The following GPC6 variants were observed in gnomAD, a reference collection of about 807,000 sequenced individuals.
The protein encoded by GPC6 is glypican 6.
A neutral mutation model predicts 55.2 loss-of-function variants in GPC6; 14 were observed. The observed-to-expected ratio is 0.25, with a 90% confidence interval of 0.17 to 0.40. GPC6 has a LOEUF of 0.40. Among genes scored for constraint, GPC6 ranks in the 10% least tolerant of loss-of-function variants. The pLI is 1.00. For missense variants in GPC6, 641 were observed against 708.5 expected (o/e 0.90, Z 1.08); for synonymous variants, 278 against 259.6 (o/e 1.07, Z -0.68).
Position 94,306,018 on chromosome 13 carries a change from C to A in GPC6, c.1047C>A (p.Ala349=), listed in dbSNP as rs1875924260. 6.2e-7 allele frequency: 1 copy of A among 1,614,104 alleles called. No homozygotes were observed. ...GTGGTCAGCCCAAACCTGCTCCAGC[C>A]CTCAGATCTGCCCGCTCAGCTCCTG... ...QGCGQPKPAP[A]LRSARSAPEN... The change falls in exon 6 of 9, where the codon GCC becomes GCA. Residue 349 remains alanine, a synonymous_variant. Coordinates refer to ENST00000377047, the MANE Select transcript of GPC6 (RefSeq NM_005708.5).
intron 7 of GPC6, among the ~76,000 whole-genome samples, chr13:94,387,764 C>CTCTCTCTCTCTCTG (rs1491569523): frequency 9.2e-6 from 1 of 108,962 alleles, no homozygotes; most frequent in African/African-American, 4.0e-5. Context: ...CTCTCTCTCT[C>CTCTCTCTCTCTCTG]TGCCGTGTGA....
chr13:93,496,865 GTC>G (rs778077093), intron 1 of GPC6, among the ~76,000 whole-genome samples: 12 of 152,208 alleles, frequency 7.9e-5, no homozygotes, highest in Non-Finnish European at 1.2e-4. Context: ...TTTATAAATA[GTC>G]TGTGTTAAAC....
chr13:94,317,513 A>G (rs560119630), intron 6 of GPC6, among the ~76,000 whole-genome samples: 1 of 152,378 alleles, frequency 6.6e-6, no homozygotes, highest in South Asian at 2.1e-4. Flanking sequence ...GGCTATCTTT[A>G]GTGCAAGACA....
At chr13:93,620,312 T>A (rs1878895791) in intron 2 of GPC6, among the ~76,000 whole-genome samples, 1 of 152,216 alleles carries the variant, frequency 6.6e-6, no homozygotes, top group African/African-American at 2.4e-5. Context: ...TAGCTCATAA[T>A]TAACTGAAAA....
At chr13:93,780,267 T>A (rs548273978) in intron 2 of GPC6, among the ~76,000 whole-genome samples, 117 of 151,892 alleles carry the variant, frequency 7.7e-4, no homozygotes, top group African/African-American at 2.5e-3. Flanking sequence ...CCAAAAAAAA[T>A]TTAAAAGCAA....
At chr13:93,769,931 G>A (rs1434965880) in intron 2 of GPC6, among the ~76,000 whole-genome samples, 1 of 152,136 alleles carries the variant, frequency 6.6e-6, no homozygotes, top group East Asian at 1.9e-4. Flanking sequence ...GTATTTATTT[G>A]CCAAGTAGTT....
At chr13:94,293,357 G>C (rs1192898513) in intron 5 of GPC6, among the ~76,000 whole-genome samples, 1 of 152,190 alleles carries the variant, frequency 6.6e-6, no homozygotes, top group Non-Finnish European at 1.5e-5. Context: ...GTAATAGTGA[G>C]TGAGTTTTCA....
intron 3 of GPC6, among the ~76,000 whole-genome samples, chr13:93,993,913 A>G (rs557965401): frequency 6.6e-6 from 1 of 152,302 alleles, no homozygotes; most frequent in East Asian, 1.9e-4. Flanking sequence ...ATGTGGGAAT[A>G]TTTATATTTT....
intron 3 of GPC6, among the ~76,000 whole-genome samples, chr13:94,023,913 A>G (rs1240742394): frequency 6.6e-6 from 1 of 152,090 alleles, no homozygotes; most frequent in Admixed American, 6.6e-5. Flanking sequence ...TTTATATAGA[A>G]TTCTTGAAAT....
chr13:94,147,400 T>G (rs2138889818), intron 4 of GPC6, among the ~76,000 whole-genome samples: 1 of 152,290 alleles, frequency 6.6e-6, no homozygotes, highest in African/African-American at 2.4e-5. Context: ...CTGGGTCAAA[T>G]CTCAGGGCTA....
rs374680026 is a variant in GPC6, at chr13:94,191,080, G to T, written c.878-95269G>T. 2.0e-5 allele frequency among the ~76,000 whole-genome samples: 3 copies of T among 152,176 alleles called. No homozygotes were observed. The South Asian group carries it at 6.2e-4, about 32-fold the overall frequency. On this transcript the variant is annotated intron_variant, in intron 4 of 8. Coordinates refer to ENST00000377047, the MANE Select transcript of GPC6 (RefSeq NM_005708.5). ...TTCTTATAAATTTCTATGAGTTTTGGATTATTTCCCAAAGAAGGAGACAAA... is the reference window on the plus strand; with the variant it reads ...TTCTTATAAATTTCTATGAGTTTTGTATTATTTCCCAAAGAAGGAGACAAA...
At chr13:93,960,957 C>T (rs1333220671) in intron 3 of GPC6, among the ~76,000 whole-genome samples, 1 of 151,872 alleles carries the variant, frequency 6.6e-6, no homozygotes, top group Non-Finnish European at 1.5e-5. Flanking sequence ...GGACTACAGG[C>T]ACCCGCCACC....
chr13:93,314,609 T>G (rs1206559467), intron 1 of GPC6, among the ~76,000 whole-genome samples: 2 of 152,066 alleles, frequency 1.3e-5, no homozygotes, highest in Non-Finnish European at 2.9e-5. Context: ...GTTTAGCTAC[T>G]ATCAACAGCA....
chr13:94,354,238 A>AT (rs1318088297), intron 6 of GPC6, among the ~76,000 whole-genome samples: 1 of 151,814 alleles, frequency 6.6e-6, no homozygotes, highest in Non-Finnish European at 1.5e-5. Context: ...TTTATGTAAG[A>AT]TTTTTTCTGA....
intron 1 of GPC6, among the ~76,000 whole-genome samples, chr13:93,538,962 G>A (rs1210837308): frequency 2.0e-5 from 3 of 150,242 alleles, no homozygotes; most frequent in African/African-American, 7.4e-5. Context: ...AAGTTTTAGG[G>A]TACATGTGCA....
intron 3 of GPC6, among the ~76,000 whole-genome samples, chr13:93,894,719 A>G (rs1875889644): frequency 6.6e-6 from 1 of 152,092 alleles, no homozygotes; most frequent in African/African-American, 2.4e-5. Context: ...CTGTTAATCA[A>G]ATTCATTGCA....
intron 4 of GPC6, among the ~76,000 whole-genome samples, chr13:94,172,631 C>T (rs1467600678): frequency 6.6e-6 from 1 of 152,024 alleles, no homozygotes; most frequent in African/African-American, 2.4e-5. Flanking sequence ...AACATGTGTC[C>T]CACAAAACAG....
chr13:94,049,113 CG>C (rs772371911), intron 4 of GPC6, among the ~76,000 whole-genome samples: 3 of 151,964 alleles, frequency 2.0e-5, no homozygotes, highest in Non-Finnish European at 4.4e-5. Context: ...ATCAGCTAAG[CG>C]TGACAGCCTG....
chr13:93,249,950 G>T (rs1876727765), intron 1 of GPC6, among the ~76,000 whole-genome samples: 1 of 152,052 alleles, frequency 6.6e-6, no homozygotes, highest in Non-Finnish European at 1.5e-5. Context: ...CCACTTGATG[G>T]GTAACAGGAG....
Sources: allele counts gnomAD v4.1 joint callset (sites outside exome capture counted in the v4.1 genomes callset), GRCh38; gene constraint gnomAD v4.1.1; transcripts MANE v1.5; gene names NCBI Gene and HGNC (gene_info 2026-07-23, HGNC 2026-07-21).